DLG2: variants seen among roughly 807,000 people sequenced by gnomAD.
DLG2 encodes the protein discs large MAGUK scaffold protein 2.
A neutral mutation model predicts 132.5 loss-of-function variants in DLG2; 45 were observed. The ratio of observed to expected loss-of-function variants is 0.34; its 90% CI spans 0.27 to 0.44. The LOEUF (loss-of-function observed/expected upper bound fraction) is 0.44, where lower values mean the gene tolerates loss of function less well. Among genes scored for constraint, DLG2 ranks in the 20% least tolerant of loss-of-function variants. The probability of loss-of-function intolerance (pLI) is 1.00; values close to 1 mark genes in which losing one functional copy is unlikely to be tolerated. For missense variants in DLG2, 1,045 were observed against 1,196.9 expected, an observed-to-expected ratio of 0.87 and a Z score of 1.87; for synonymous variants, 424 against 419.6, an observed-to-expected ratio of 1.01 and a Z score of -0.13.
intron 19 of DLG2, among the ~76,000 whole-genome samples, chr11:83,575,746 A>T (rs2096863957): frequency 6.6e-6 from 1 of 152,140 alleles, no homozygotes; most frequent in South Asian, 2.1e-4. Context: ...TCCCATCTAA[A>T]AAAATTTAAA....
At chr11:85,533,349 T>C (rs1409313047) in intron 3 of DLG2, among the ~76,000 whole-genome samples, 2 of 151,832 alleles carry the variant, frequency 1.3e-5, no homozygotes, top group Admixed American at 6.6e-5. Context: ...TTGTGATTTT[T>C]TTTAACTGGC....
At chr11:84,797,771 G>C (rs1409724072) in intron 6 of DLG2, among the ~76,000 whole-genome samples, 3 of 152,132 alleles carry the variant, frequency 2.0e-5, no homozygotes, top group Non-Finnish European at 4.4e-5. Flanking sequence ...GTTTATGGAT[G>C]TTTGTCATTG....
intron 22 of DLG2, among the ~76,000 whole-genome samples, chr11:83,473,656 A>C (rs1565368217): frequency 6.6e-6 from 1 of 151,992 alleles, no homozygotes; most frequent in Non-Finnish European, 1.5e-5. Context: ...AGGGCTGTTG[A>C]AAAGAACTTT....
intron 19 of DLG2, among the ~76,000 whole-genome samples, chr11:83,611,502 C>T (rs1249717389): frequency 6.6e-6 from 1 of 152,184 alleles, no homozygotes; most frequent in Non-Finnish European, 1.5e-5. Context: ...TTGTTTTTTG[C>T]TTTTGAAACT....
chr11:83,743,747 T>C (rs2092712587), intron 18 of DLG2, among the ~76,000 whole-genome samples: 1 of 152,116 alleles, frequency 6.6e-6, no homozygotes, highest in African/African-American at 2.4e-5. Context: ...GACAGGCTAC[T>C]TCATCTTCTC....
intron 7 of DLG2, among the ~76,000 whole-genome samples, chr11:84,463,142 C>T (rs964162307): frequency 1.3e-5 from 2 of 151,162 alleles, no homozygotes; most frequent in Non-Finnish European, 1.5e-5. Context: ...CTCAATGTCA[C>T]GCCAAGGAGT....
chr11:84,266,969 A>G (rs1186687593), intron 7 of DLG2, among the ~76,000 whole-genome samples: 53 of 152,232 alleles, frequency 3.5e-4, no homozygotes, highest in Non-Finnish European at 2.9e-5. Flanking sequence ...CAAGGAATTC[A>G]TAATGTCATG....
intron 7 of DLG2, among the ~76,000 whole-genome samples, chr11:84,474,813 T>C (rs976375863): frequency 6.6e-6 from 1 of 152,072 alleles, no homozygotes; most frequent in African/African-American, 2.4e-5. Context: ...GGCCATGGCC[T>C]TTTTATATTT....
Position 84,979,046 on chromosome 11 carries a change from G to A in DLG2, c.357+132615C>T, listed in dbSNP as rs1461836859. ...AAATAAGACATTTATGCAGCCAACAGACACATGAAAAAATGCTCATCATCA... is the reference window on the plus strand; with the variant it reads ...AAATAAGACATTTATGCAGCCAACAAACACATGAAAAAATGCTCATCATCA... On this transcript the variant is annotated intron_variant, in intron 6 of 27. Transcript: ENST00000376104. Among the ~76,000 whole-genome samples the A allele has an allele frequency of 2.6e-5, 4 of 152,086 alleles. No homozygotes were observed. The East Asian group carries it at 5.8e-4, about 22-fold the overall frequency.
chr11:84,917,479 C>T (rs919277095), intron 6 of DLG2, among the ~76,000 whole-genome samples: 3 of 152,324 alleles, frequency 2.0e-5, no homozygotes, highest in African/African-American at 4.8e-5. Flanking sequence ...GGTGACTTCA[C>T]TGGCACTTAA....
rs149598806 is a variant in DLG2 at position 83,687,033 on chromosome 11, C to T, written c.1826-53708G>A. On this transcript the variant is annotated intron_variant, in intron 18 of 27. Coordinates refer to ENST00000376104, the MANE Select transcript of DLG2 (RefSeq NM_001142699.3). ...GGAAATTTGAGCACAGAGGTGCACACAGGGAGAATGTTTTGTGGAGATGGG... is the reference window on the plus strand; with the variant it reads ...GGAAATTTGAGCACAGAGGTGCACATAGGGAGAATGTTTTGTGGAGATGGG... 1.0e-3 allele frequency among the ~76,000 whole-genome samples: 154 copies of T among 152,264 alleles called. 1 individual carries two copies. The highest frequency in any genetic ancestry group is 8.9e-3 in the South Asian group (43 of 4,818).
At chr11:84,623,139 C>T (rs2099616735) in intron 6 of DLG2, among the ~76,000 whole-genome samples, 1 of 152,176 alleles carries the variant, frequency 6.6e-6, no homozygotes, top group South Asian at 2.1e-4. Flanking sequence ...TTTATCATTA[C>T]ATGACTCCCT....
At chr11:84,297,786 C>T (rs918229133) in intron 7 of DLG2, among the ~76,000 whole-genome samples, 1 of 152,042 alleles carries the variant, frequency 6.6e-6, no homozygotes, top group African/African-American at 2.4e-5. Context: ...ACTCTATTCT[C>T]AGCCTTCTTC....
chr11:84,708,145 T>C (rs1436669578), intron 6 of DLG2, among the ~76,000 whole-genome samples: 3 of 151,840 alleles, frequency 2.0e-5, no homozygotes, highest in Non-Finnish European at 4.4e-5. Flanking sequence ...GAAATGGTCT[T>C]CAGCCTGATG....
At chr11:84,730,455 A>G (rs1348549140) in intron 6 of DLG2, among the ~76,000 whole-genome samples, 1 of 152,088 alleles carries the variant, frequency 6.6e-6, no homozygotes, top group East Asian at 1.9e-4. Context: ...GCTAGCCAAG[A>G]AACTTATTTA....
intron 6 of DLG2, among the ~76,000 whole-genome samples, chr11:84,661,818 A>G (rs1045799743): frequency 6.6e-6 from 1 of 152,164 alleles, no homozygotes; most frequent in African/African-American, 2.4e-5. Context: ...GTCCTTGATC[A>G]TTAAAGATGT....
intron 7 of DLG2, among the ~76,000 whole-genome samples, chr11:84,375,274 A>C (rs1451692301): frequency 6.6e-6 from 1 of 152,172 alleles, no homozygotes; most frequent in African/African-American, 2.4e-5. Context: ...GCTTGGAACT[A>C]TATCTAGCAC....
chr11:83,462,044 G>A lies in DLG2; in HGVS notation c.2779C>T (p.Arg927Ter), dbSNP rs2090128189. The A allele has an allele frequency of 6.2e-7, 1 of 1,613,438 alleles. No homozygotes were observed. The highest frequency in any genetic ancestry group is 1.1e-5 in the South Asian group (1 of 91,056). The change falls in exon 27 of 28, where the codon CGA becomes TGA. Residue 927 changes from arginine to a stop codon, truncating the protein, a stop_gained. Coordinates refer to ENST00000376104, the MANE Select transcript of DLG2 (RefSeq NM_001142699.3). LOFTEE classifies it high-confidence loss of function. Reference sequence around the variant, plus strand: ...AATTCTTGTTCTAGCTTAATTGCTCGATCATAGGTTTTCTTGGCTTGTTCC... The same window carrying A: ...AATTCTTGTTCTAGCTTAATTGCTCAATCATAGGTTTTCTTGGCTTGTTCC... Reference protein sequence around the residue: ...TEEQAKKTYDRAIKLEQEFGE... With the variant: ...TEEQAKKTYD
chr11:84,938,701 T>A (rs2049032621), intron 6 of DLG2, among the ~76,000 whole-genome samples: 1 of 152,192 alleles, frequency 6.6e-6, no homozygotes, highest in African/African-American at 2.4e-5. Flanking sequence ...GCTGGCCACA[T>A]CTGCATATGC....
Sources: gnomAD v4.1 joint callset for allele counts (sites outside exome capture counted in the v4.1 genomes callset) on GRCh38, gnomAD v4.1.1 for gene constraint, MANE v1.5 for transcripts, NCBI Gene and HGNC (gene_info 2026-07-23, HGNC 2026-07-21) for gene names.